The following NDUFAF6 variants were observed in gnomAD, a reference collection of about 807,000 sequenced individuals.
The protein encoded by NDUFAF6 is NADH dehydrogenase (ubiquinone) complex I, assembly factor 6.
NDUFAF6 carries 45 observed loss-of-function variants against 40.8 expected under a neutral mutation model. The ratio of observed to expected loss-of-function variants is 1.10; its 90% CI spans 0.87 to 1.42. The LOEUF (loss-of-function observed/expected upper bound fraction) is 1.42, where lower values mean the gene tolerates loss of function less well. Among genes scored for constraint, NDUFAF6 ranks in the 40% most tolerant of loss-of-function variants. The pLI is 0.00. For synonymous variants in NDUFAF6, 185 were observed against 155.9 expected, an observed-to-expected ratio of 1.19 and a Z score of -1.39; for missense variants, 435 against 418.5, an observed-to-expected ratio of 1.04 and a Z score of -0.34.
intron 2 of NDUFAF6, among the ~76,000 whole-genome samples, chr8:95,006,158 G>A (rs2131659603): frequency 6.6e-6 from 1 of 152,096 alleles, no homozygotes; most frequent in South Asian, 2.1e-4. Context: ...AGGAGTTTGA[G>A]ACCAGCCTGG....
chr8:95,084,336 A>G (rs1808970472), intron 2 of NDUFAF6, among the ~76,000 whole-genome samples: 1 of 152,172 alleles, frequency 6.6e-6, no homozygotes, highest in South Asian at 2.1e-4. Flanking sequence ...TAAAAGATAA[A>G]GACTTTAAAA....
chr8:95,044,324 G>T (rs1472966454), intron 4 of NDUFAF6, among the ~76,000 whole-genome samples: 2 of 151,626 alleles, frequency 1.3e-5, no homozygotes, highest in African/African-American at 4.8e-5. Context: ...GCACAACTTT[G>T]TGTATATACT....
chr8:94,922,563 C>T (rs1438888459), intron 1 of NDUFAF6, among the ~76,000 whole-genome samples: 1 of 151,836 alleles, frequency 6.6e-6, no homozygotes. Flanking sequence ...ACTGCAACCT[C>T]CGCCTCCCGG....
intron 2 of NDUFAF6, among the ~76,000 whole-genome samples, chr8:95,002,392 C>A (rs2131645546): frequency 6.6e-6 from 1 of 152,304 alleles, no homozygotes; most frequent in South Asian, 2.1e-4. Flanking sequence ...CTTTTTTCCC[C>A]TCTGTGCAAA....
intron 2 of NDUFAF6, among the ~76,000 whole-genome samples, chr8:95,001,145 G>C (rs763674310): frequency 9.9e-5 from 15 of 151,796 alleles, no homozygotes; most frequent in African/African-American, 3.6e-4. Flanking sequence ...TAATAGGGTT[G>C]AGGTCTCGCT....
At chr8:94,981,826 T>G (rs1206953190) in intron 2 of NDUFAF6, among the ~76,000 whole-genome samples, 2 of 151,936 alleles carry the variant, frequency 1.3e-5, no homozygotes, top group African/African-American at 4.8e-5. Context: ...ATAATGACAT[T>G]TTGGTCAATG....
intron 2 of NDUFAF6, among the ~76,000 whole-genome samples, chr8:95,086,974 T>C (rs1158225871): frequency 1.3e-5 from 2 of 152,076 alleles, no homozygotes; most frequent in East Asian, 3.9e-4. Context: ...GCAGGGGTGA[T>C]GGGCACTGTC....
intron 9 of NDUFAF6, chr8:95,072,931 C>T (rs1412064940): frequency 1.9e-5 from 3 of 154,044 alleles, no homozygotes; most frequent in Non-Finnish European, 2.9e-5. Context: ...AGGCCAACCT[C>T]GACGATCTCC....
At chr8:95,033,963 G>A in intron 2 of NDUFAF6, 1 of 456,524 alleles carries the variant, frequency 2.2e-6, no homozygotes, top group Non-Finnish European at 4.4e-6. Context: ...AGCCACTGGA[G>A]GGTTCTGAGC....
chr8:94,931,910 T>C (rs1328651756), intron 1 of NDUFAF6, among the ~76,000 whole-genome samples: 1 of 152,136 alleles, frequency 6.6e-6, no homozygotes, highest in Admixed American at 6.6e-5. Flanking sequence ...GGGTGGAGGC[T>C]GCTGTGAGCC....
upstream of NDUFAF6, chr8:95,023,170 T>G (rs774389657): frequency 2.6e-5 from 4 of 152,192 alleles, no homozygotes; most frequent in Non-Finnish European, 5.9e-5. Flanking sequence ...CTTTTATTAG[T>G]GAAGCAACTT....
chr8:95,038,710 G>T (rs1829791825), intron 3 of NDUFAF6, among the ~76,000 whole-genome samples: 1 of 151,830 alleles, frequency 6.6e-6, no homozygotes, highest in Non-Finnish European at 1.5e-5. Context: ...ACGGAGCTTT[G>T]CTGTGTCACC....
At chr8:95,091,638 C>T (rs1809255796) in intron 2 of NDUFAF6, among the ~76,000 whole-genome samples, 1 of 151,558 alleles carries the variant, frequency 6.6e-6, no homozygotes, top group African/African-American at 2.4e-5. Flanking sequence ...CTCAATTGTT[C>T]ATCTCTCTCT....
chr8:94,958,522 C>CTTT lies in NDUFAF6; in HGVS notation c.-199+371_-199+373dup, dbSNP rs55703438. Among the ~76,000 whole-genome samples the CTTT allele has an allele frequency of 6.3e-3, 449 of 71,272 alleles. 73 individuals are homozygous for CTTT. The highest frequency in any genetic ancestry group is 0.016 in the African/African-American group (272 of 16,944). 46.8% of individuals were successfully genotyped at this position (71,272 alleles called of 152,430 possible). On this transcript the variant is annotated intron_variant, in intron 1 of 9. Coordinates refer to the NDUFAF6 transcript ENST00000396111. ...CCCTATCTCCACACATAGTCACATTCTTTTTTTTTTTTTTTTTTTTTTTTT... is the reference window on the plus strand; with the variant it reads ...CCCTATCTCCACACATAGTCACATTCTTTTTTTTTTTTTTTTTTTTTTTTTTTT...
chr8:94,981,666 G>A (rs1825450631), intron 2 of NDUFAF6, among the ~76,000 whole-genome samples: 1 of 152,102 alleles, frequency 6.6e-6, no homozygotes, highest in Non-Finnish European at 1.5e-5. Context: ...AACCAAAACA[G>A]GTCAAACTAT....
intron 2 of NDUFAF6, among the ~76,000 whole-genome samples, chr8:95,000,866 G>A (rs1208490425): frequency 6.6e-6 from 1 of 152,054 alleles, no homozygotes; most frequent in Non-Finnish European, 1.5e-5. Flanking sequence ...GAACCCATGA[G>A]GCAGAGGTTG....
At chr8:94,964,977 G>T (rs1267370877) in intron 1 of NDUFAF6, among the ~76,000 whole-genome samples, 1 of 152,122 alleles carries the variant, frequency 6.6e-6, no homozygotes, top group Non-Finnish European at 1.5e-5. Flanking sequence ...ATCTCTTCTT[G>T]GTATGAGGGA....
chr8:95,117,502 A>G (rs778029134), downstream of NDUFAF6, among the ~76,000 whole-genome samples: 60 of 152,220 alleles, frequency 3.9e-4, no homozygotes, highest in Non-Finnish European at 7.8e-4. Context: ...GATAGTGAGT[A>G]GATGAATGCC....
intron 1 of NDUFAF6, among the ~76,000 whole-genome samples, chr8:94,932,545 T>C (rs1241989059): frequency 6.6e-6 from 1 of 152,262 alleles, no homozygotes; most frequent in African/African-American, 2.4e-5. Context: ...GGCTCACGCC[T>C]GTAATCCCAG....
Sources: allele counts gnomAD v4.1 joint callset (sites outside exome capture counted in the v4.1 genomes callset), GRCh38; gene constraint gnomAD v4.1.1; transcripts MANE v1.5; gene names NCBI Gene and HGNC (gene_info 2026-07-23, HGNC 2026-07-21).